CFAP97D2: variants seen among roughly 807,000 people sequenced by gnomAD.
CFAP97D2 encodes CFAP97 domain containing 2, also known as uncharacterized protein CFAP97D2.
rs534413141 is a variant in CFAP97D2, at chr13:114,208,771, G to C, written c.291-3141G>C. Among the ~76,000 whole-genome samples the C allele has an allele frequency of 4.9e-4, 75 of 152,270 alleles. 1 individual carries two copies. Among genetic ancestry groups the C allele is most frequent in the African/African-American group, 1.7e-3 (72 of 41,566 alleles). On this transcript the variant is annotated intron_variant, in intron 3 of 4. Coordinates refer to ENST00000646158, the Ensembl canonical transcript of CFAP97D2. ...TCTGGACTATGTGCCAAATCTCCCA[G>C]CCCATGTCTCTAGGATTTGGCTCTG...
chr13:114,189,561 T>C lies in CFAP97D2; in HGVS notation c.91-6835T>C, dbSNP rs1248877727. On this transcript the variant is annotated intron_variant, in intron 1 of 4. Transcript: ENST00000646158. This position sits in a 1 kb window ranked among gnomAD's most constrained non-coding sequence, Gnocchi z 4.5. ...AATCAATATCTCTCATGAACATTGA[T>C]GCAAAAATCCACAGCAAAACTTAGC... Among the ~76,000 whole-genome samples, 1 of 152,210 alleles carries C rather than the reference T, an allele frequency of 6.6e-6. No homozygotes were observed. The highest frequency in any genetic ancestry group is 1.5e-5 in the Non-Finnish European group (1 of 68,040).
rs201914642 is a variant in CFAP97D2, at chr13:114,182,293, G to A, written c.90+2873G>A. ...ATCTCAGTGGAGTAAAGAATAACAA[G>A]GCAGCATTACTGCAAACATGTCTCG... is the stretch of plus-strand genomic sequence containing the variant. On this transcript the variant is annotated intron_variant, in intron 1 of 4. Transcript: ENST00000646158. Among the ~76,000 whole-genome samples, 587 of 152,112 alleles carry A rather than the reference G, an allele frequency of 3.9e-3. 5 individuals are homozygous for A. The highest frequency in any genetic ancestry group is 0.013 in the African/African-American group (519 of 41,504).
chr13:114,215,138 A>C (rs1165004834), intron 4 of CFAP97D2, among the ~76,000 whole-genome samples: 5 of 152,140 alleles, frequency 3.3e-5, no homozygotes, highest in Non-Finnish European at 7.4e-5. Flanking sequence ...AGCAATTTTC[A>C]CCTCTGCTTA....
At position 114,186,979 on chromosome 13, in the gene CFAP97D2, C is replaced by T. The variant is rs1161493157; in HGVS notation, c.90+7559C>T. 6.6e-6 allele frequency among the ~76,000 whole-genome samples: 1 copy of T among 152,198 alleles called. No homozygotes were observed. Among genetic ancestry groups the T allele is most frequent in the Non-Finnish European group, 1.5e-5 (1 of 68,036 alleles). ...AAGGTGCCACCAGCCACAGAGGTTT[C>T]CAGCCAGAAAGGCAACACCCTCAAG... is the stretch of plus-strand genomic sequence containing the variant. On this transcript the variant is annotated intron_variant, in intron 1 of 4. Transcript: ENST00000646158. This position sits in a 1 kb window ranked among gnomAD's most constrained non-coding sequence, Gnocchi z 4.3.
Position 114,203,438 on chromosome 13 carries a change from C to T in CFAP97D2, c.290+2995C>T, listed in dbSNP as rs771167743. Among the ~76,000 whole-genome samples the T allele has an allele frequency of 3.4e-4, 51 of 152,176 alleles. No homozygotes were observed. The highest frequency in any genetic ancestry group is 1.2e-3 in the African/African-American group (48 of 41,436). Reference sequence around the variant, plus strand: ...TCTAAATAAATGGAAAAATATCCCACGTGTATGGATTCAGAAGTCTTGCTA... The same window carrying T: ...TCTAAATAAATGGAAAAATATCCCATGTGTATGGATTCAGAAGTCTTGCTA... On this transcript the variant is annotated intron_variant, in intron 3 of 4. Coordinates refer to ENST00000646158, the Ensembl canonical transcript of CFAP97D2. This position sits in a 1 kb window ranked among gnomAD's most constrained non-coding sequence, Gnocchi z 4.3.
chr13:114,194,500 G>C (rs532983974), intron 1 of CFAP97D2, among the ~76,000 whole-genome samples: 1 of 152,260 alleles, frequency 6.6e-6, no homozygotes, highest in South Asian at 2.1e-4. Flanking sequence ...CTTTTTACGT[G>C]AGTCCTGAGT....
chr13:114,194,126 G>A (rs947252950), intron 1 of CFAP97D2, among the ~76,000 whole-genome samples: 17 of 152,220 alleles, frequency 1.1e-4, no homozygotes, highest in African/African-American at 3.4e-4. Context: ...CTTTACAGAA[G>A]TATTCCAGCA....
rs370071749 is a variant in CFAP97D2, at chr13:114,182,470, A to T, written c.90+3050A>T. On this transcript the variant is annotated intron_variant, in intron 1 of 4. Transcript: ENST00000646158. The stretch of plus-strand genomic sequence containing the variant: ...AGAGGCCTTCCTCTTTTACTAATCC[A>T]CCTCAGCACAGACCCTTTACCGGTG... Among the ~76,000 whole-genome samples the T allele has an allele frequency of 3.9e-3, 584 of 151,522 alleles. 6 individuals are homozygous for T. The highest frequency in any genetic ancestry group is 0.013 in the African/African-American group (533 of 41,146).
rs368187297 is a variant in CFAP97D2 at position 114,195,555 on chromosome 13, A to G, written c.91-841A>G. Among the ~76,000 whole-genome samples the G allele has an allele frequency of 6.6e-5, 10 of 152,344 alleles. No homozygotes were observed. The East Asian group carries it at 1.5e-3, about 23-fold the overall frequency. On this transcript the variant is annotated intron_variant, in intron 1 of 4. Transcript: ENST00000646158. Reference sequence around the variant, plus strand: ...AACTATCTATAAAGGAATGTCTAGAATATGCGGGGATTCCTTTTTATTGCA... The same window carrying G: ...AACTATCTATAAAGGAATGTCTAGAGTATGCGGGGATTCCTTTTTATTGCA...
At chr13:114,213,740 C>T (rs1339179767) in intron 4 of CFAP97D2, among the ~76,000 whole-genome samples, 1 of 146,448 alleles carries the variant, frequency 6.8e-6, no homozygotes, top group Non-Finnish European at 1.5e-5. Context: ...AGCTCCAGGA[C>T]CACAGACCCC....
At chr13:114,193,137 T>C (rs568022322) in intron 1 of CFAP97D2, among the ~76,000 whole-genome samples, 1 of 152,286 alleles carries the variant, frequency 6.6e-6, no homozygotes, top group Non-Finnish European at 1.5e-5. Context: ...ATAAATCCAT[T>C]AGAGGCATAA....
At position 114,189,949 on chromosome 13, in the gene CFAP97D2, T is replaced by C. The variant is rs1412389038; in HGVS notation, c.91-6447T>C. 1.3e-5 allele frequency among the ~76,000 whole-genome samples: 2 copies of C among 151,982 alleles called. No homozygotes were observed. Among genetic ancestry groups the C allele is most frequent in the Non-Finnish European group, 2.9e-5 (2 of 67,984 alleles). ...TTGAGCCCAGGAGTTTGAGAACAGCTTGAGCAACATAGCAAGACCCCATCT... is the reference window on the plus strand; with the variant it reads ...TTGAGCCCAGGAGTTTGAGAACAGCCTGAGCAACATAGCAAGACCCCATCT... On this transcript the variant is annotated intron_variant, in intron 1 of 4. Coordinates refer to ENST00000646158, the Ensembl canonical transcript of CFAP97D2. This position sits in a 1 kb window ranked among gnomAD's most constrained non-coding sequence, Gnocchi z 4.5.
chr13:114,202,630 C>T (rs1230948610), intron 3 of CFAP97D2, among the ~76,000 whole-genome samples: 1 of 152,204 alleles, frequency 6.6e-6, no homozygotes, highest in African/African-American at 2.4e-5. Context: ...AGTCGAAGGG[C>T]CTTCTTCCTG....
At position 114,185,397 on chromosome 13, in the gene CFAP97D2, C is replaced by G. The variant is rs2080850829; in HGVS notation, c.90+5977C>G. On this transcript the variant is annotated intron_variant, in intron 1 of 4. Coordinates refer to ENST00000646158, the Ensembl canonical transcript of CFAP97D2. The surrounding 1 kb of genome is among the most constrained non-coding windows in gnomAD (Gnocchi z 5.2). ...CCAGTGGGGACCTGGAACCCCCACCCCGGCTGTGAGGAGGCATGGCCAGGG... is the reference window on the plus strand; with the variant it reads ...CCAGTGGGGACCTGGAACCCCCACCGCGGCTGTGAGGAGGCATGGCCAGGG... Among the ~76,000 whole-genome samples the G allele has an allele frequency of 6.6e-6, 1 of 152,186 alleles. No individual in the cohort carries two copies. The highest frequency in any genetic ancestry group is 2.4e-5 in the African/African-American group (1 of 41,436).
chr13:114,213,062 A>T (rs2080975188), intron 4 of CFAP97D2, among the ~76,000 whole-genome samples: 1 of 152,212 alleles, frequency 6.6e-6, no homozygotes, highest in Non-Finnish European at 1.5e-5. Flanking sequence ...AAATTTTGTC[A>T]TTAATATACT....
chr13:114,219,754 C>A (rs1023139109), intron 4 of CFAP97D2, among the ~76,000 whole-genome samples: 1 of 152,326 alleles, frequency 6.6e-6, no homozygotes, highest in South Asian at 2.1e-4. Flanking sequence ...ACATGGGAAA[C>A]GACTCATTGT....
chr13:114,182,439 ACTGC>A (rs2080838342), intron 1 of CFAP97D2, among the ~76,000 whole-genome samples: 1 of 151,792 alleles, frequency 6.6e-6, no homozygotes, highest in Non-Finnish European at 1.5e-5. Flanking sequence ...CTCTATCTCA[ACTGC>A]AAGAGGCCTT....
chr13:114,212,151 C>T (rs1406454929), intron 4 of CFAP97D2: 1 of 398,294 alleles, frequency 2.5e-6, no homozygotes, highest in African/African-American at 2.1e-5. Flanking sequence ...TTGAAATTTC[C>T]CGTTTTACTT....
chr13:114,198,561 C>A (rs1429293543), intron 2 of CFAP97D2, among the ~76,000 whole-genome samples: 1 of 152,280 alleles, frequency 6.6e-6, no homozygotes, highest in Non-Finnish European at 1.5e-5. Context: ...TGCCTCGCCT[C>A]AGTGTTACTC....
Sources: gnomAD v4.1 joint callset for allele counts (sites outside exome capture counted in the v4.1 genomes callset) on GRCh38, gnomAD v4.1.1 for gene constraint, Gnocchi (gnomAD v3.1) non-coding constraint, MANE v1.5 for transcripts, NCBI Gene and HGNC (gene_info 2026-07-23, HGNC 2026-07-21) for gene names.